The following DNAJC5B variants were observed in gnomAD, a reference collection of about 807,000 sequenced individuals.
The protein encoded by DNAJC5B is DnaJ heat shock protein family (Hsp40) member C5 beta, also known as dnaJ homolog subfamily C member 5B.
Under a neutral mutation model 24.7 loss-of-function variants are expected in DNAJC5B, and 23 were observed. That is an observed-to-expected ratio of 0.93 (90% confidence interval 0.67 to 1.32). The LOEUF (loss-of-function observed/expected upper bound fraction) is 1.32, where lower values mean the gene tolerates loss of function less well. DNAJC5B is among the 40% of genes most tolerant of loss of function. DNAJC5B has a pLI of 0.00. For synonymous variants in DNAJC5B, 101 were observed against 90.1 expected (o/e 1.12, Z -0.68); for missense variants, 238 against 240.8 (o/e 0.99, Z 0.08).
intron 3 of DNAJC5B, chr8:66,057,821 G>T (rs533518095): frequency 6.6e-6 from 1 of 152,310 alleles, no homozygotes; most frequent in African/African-American, 2.4e-5. Flanking sequence ...TCTGTATCTG[G>T]TGAAACTATA....
At chr8:66,056,280 G>A (rs1278009138) in intron 3 of DNAJC5B, among the ~76,000 whole-genome samples, 2 of 152,108 alleles carry the variant, frequency 1.3e-5, no homozygotes, top group Non-Finnish European at 2.9e-5. Context: ...CATTAGACAA[G>A]CCCCACAGAA....
rs535589702 is a variant in DNAJC5B, at chr8:66,042,102, T to C, written c.-141-1386T>C. On this transcript the variant is annotated intron_variant, in intron 1 of 5. Coordinates refer to ENST00000276570, the MANE Select transcript of DNAJC5B (RefSeq NM_033105.6). ...TCTCCAAAGTCTCACTTTTCCACTT[T>C]TTTGAGTGACCATTTGATTGCTCAC... 5.3e-5 allele frequency among the ~76,000 whole-genome samples: 8 copies of C among 152,312 alleles called. No homozygotes were observed. The South Asian group carries it at 1.7e-3, about 32-fold the overall frequency.
At chr8:66,090,991 A>G (rs986230079) in intron 5 of DNAJC5B, among the ~76,000 whole-genome samples, 1 of 152,230 alleles carries the variant, frequency 6.6e-6, no homozygotes, top group African/African-American at 2.4e-5. Flanking sequence ...CAGGCTTGTC[A>G]GCTCTGAATG....
At chr8:66,058,816 G>A (rs1235992511) in intron 3 of DNAJC5B, among the ~76,000 whole-genome samples, 1 of 152,202 alleles carries the variant, frequency 6.6e-6, no homozygotes, top group East Asian at 1.9e-4. Flanking sequence ...TGGGAAAGGT[G>A]ACAAGAGGAA....
chr8:66,063,142 A>G (rs1262860241), intron 3 of DNAJC5B, among the ~76,000 whole-genome samples: 4 of 152,262 alleles, frequency 2.6e-5, no homozygotes, highest in Non-Finnish European at 4.4e-5. Flanking sequence ...ATGACAGCAG[A>G]AGACTCAGTT....
chr8:66,049,896 C>G (rs1376057115), intron 2 of DNAJC5B, among the ~76,000 whole-genome samples: 1 of 152,170 alleles, frequency 6.6e-6, no homozygotes, highest in African/African-American at 2.4e-5. Context: ...GTCATGACAT[C>G]TCTTTTATTT....
intron 1 of DNAJC5B, among the ~76,000 whole-genome samples, chr8:66,037,858 A>G (rs1806522555): frequency 6.6e-6 from 1 of 152,196 alleles, no homozygotes. Flanking sequence ...TATAAAAGAG[A>G]GTATGAGGGC....
In DNAJC5B at chr8:66,025,969, G is replaced by A. The variant is rs1205675904; in HGVS notation, c.-142+4264G>A. On this transcript the variant is annotated intron_variant, in intron 1 of 5. Transcript: ENST00000276570. ...TTCCAATGCTGTGAAGAAAGTCATT[G>A]GTAGCTTGATGGGGATGGCATTGAA... Among the ~76,000 whole-genome samples the A allele has an allele frequency of 3.9e-5, 4 of 103,828 alleles. 1 individual carries two copies. Among genetic ancestry groups the A allele is most frequent in the Non-Finnish European group, 6.8e-5 (4 of 59,188 alleles). 68.1% of individuals were successfully genotyped at this position (103,828 alleles called of 152,430 possible).
At chr8:66,037,873 C>G (rs1407509485) in intron 1 of DNAJC5B, among the ~76,000 whole-genome samples, 1 of 152,194 alleles carries the variant, frequency 6.6e-6, no homozygotes, top group East Asian at 1.9e-4. Flanking sequence ...GAGGGCATGG[C>G]TGTGACCTCC....
intron 4 of DNAJC5B, among the ~76,000 whole-genome samples, chr8:66,078,325 C>T (rs1350604300): frequency 1.1e-4 from 16 of 152,106 alleles, no homozygotes; most frequent in Admixed American, 9.2e-4. Context: ...CCCAATTTCA[C>T]GGCACCCATC....
chr8:66,061,303 G>T (rs1261861629), intron 3 of DNAJC5B, among the ~76,000 whole-genome samples: 1 of 152,102 alleles, frequency 6.6e-6, no homozygotes, highest in Non-Finnish European at 1.5e-5. Context: ...AAAAATGAGT[G>T]CAAGGTATTC....
At chr8:66,035,586 C>T (rs141303688) in intron 1 of DNAJC5B, among the ~76,000 whole-genome samples, 19 of 152,280 alleles carry the variant, frequency 1.2e-4, no homozygotes, top group African/African-American at 3.1e-4. Context: ...TGATTGCTGG[C>T]GGCACAAGAG....
intron 2 of DNAJC5B, among the ~76,000 whole-genome samples, chr8:66,047,202 G>A (rs1806740231): frequency 6.6e-6 from 1 of 152,222 alleles, no homozygotes; most frequent in Non-Finnish European, 1.5e-5. Context: ...AAAATTGCTG[G>A]ATGGGCTTCT....
chr8:66,094,472 A>AT (rs1034606310), intron 5 of DNAJC5B, among the ~76,000 whole-genome samples: 2 of 152,070 alleles, frequency 1.3e-5, no homozygotes, highest in African/African-American at 4.8e-5. Flanking sequence ...TTTTAAAAAC[A>AT]TTGATTTTTG....
intron 5 of DNAJC5B, among the ~76,000 whole-genome samples, chr8:66,087,917 A>T (rs777318574): frequency 1.3e-5 from 2 of 151,984 alleles, no homozygotes; most frequent in African/African-American, 2.4e-5. Context: ...TGATGGATCT[A>T]CCTTTCTAGG....
chr8:66,018,692 C>T (rs1045413868), upstream of DNAJC5B, among the ~76,000 whole-genome samples: 4 of 151,836 alleles, frequency 2.6e-5, no homozygotes, highest in African/African-American at 7.3e-5. Context: ...TCACTCAGGC[C>T]GTGAGATTTG....
chr8:66,018,198 G>A (rs989628135), upstream of DNAJC5B, among the ~76,000 whole-genome samples: 16 of 152,138 alleles, frequency 1.1e-4, no homozygotes, highest in African/African-American at 3.6e-4. Flanking sequence ...CTAGAAACTT[G>A]ATGGGTGGGG....
At chr8:66,076,619 T>A in intron 3 of DNAJC5B, 41 bp from the exon 4 acceptor site, 1 of 1,607,368 alleles carries the variant, frequency 6.2e-7, no homozygotes, top group Non-Finnish European at 8.5e-7. Flanking sequence ...TTCATTCTTG[T>A]CAAATAACAC....
At chr8:66,066,271 A>G (rs1249710521) in intron 3 of DNAJC5B, among the ~76,000 whole-genome samples, 1 of 152,212 alleles carries the variant, frequency 6.6e-6, no homozygotes, top group Admixed American at 6.5e-5. Context: ...ATGCTTATAC[A>G]TTACTGGTGG....
Sources: allele counts gnomAD v4.1 joint callset (sites outside exome capture counted in the v4.1 genomes callset), GRCh38; gene constraint gnomAD v4.1.1; transcripts MANE v1.5; gene names NCBI Gene and HGNC (gene_info 2026-07-23, HGNC 2026-07-21).